The following GSTM4 variants were observed in gnomAD, a reference collection of about 807,000 sequenced individuals.
GSTM4 encodes the protein glutathione S-transferase mu 4.
Under a neutral mutation model 30.1 loss-of-function variants are expected in GSTM4, and 27 were observed. The observed-to-expected ratio is 0.90, with a 90% CI of 0.66 to 1.24. The LOEUF is 1.24. Among genes scored for constraint, GSTM4 ranks in the 50% most tolerant of loss-of-function variants. GSTM4 has a pLI of 0.00. For synonymous variants in GSTM4, 94 were observed against 96.2 expected (o/e 0.98, Z 0.13); for missense variants, 238 against 272.1 (o/e 0.87, Z 0.88).
chr1:109,662,614 G>A (rs545700838), downstream of GSTM4, among the ~76,000 whole-genome samples: 3 of 152,276 alleles, frequency 2.0e-5, no homozygotes, highest in East Asian at 3.9e-4. Context: ...AGGCATTTCC[G>A]AAAAATGAAT....
intron 7 of GSTM4, chr1:109,659,501 AC>A (rs1652203159): frequency 8.9e-6 from 7 of 782,912 alleles, no homozygotes; most frequent in African/African-American, 1.8e-5. Context: ...AGCCCAGGGC[AC>A]TTTGGAAGAG....
intron 1 of GSTM4, 127 bp downstream of exon 1, chr1:109,656,552 G>C (rs1196948165): frequency 6.9e-5 from 12 of 172,784 alleles, no homozygotes; most frequent in African/African-American, 4.5e-4. Context: ...GTGCATGCCT[G>C]TGTGTGTGTG....
chr1:109,662,866 C>G (rs141152242), downstream of GSTM4, among the ~76,000 whole-genome samples: 765 of 152,232 alleles, frequency 5.0e-3, 2 homozygotes, highest in Non-Finnish European at 8.2e-3. Flanking sequence ...GAAATCCCAC[C>G]CTATAGGAAT....
intron 3 of GSTM4, 60 bp downstream of exon 3, chr1:109,657,339 C>G: frequency 6.3e-7 from 1 of 1,593,608 alleles, no homozygotes; most frequent in South Asian, 1.1e-5. Flanking sequence ...GACTGCATCT[C>G]CTCTCCCCAG....
At chr1:109,664,341 C>CTTTTT (rs77855995), downstream of GSTM4, among the ~76,000 whole-genome samples, 198 of 35,754 alleles carry the variant, frequency 5.5e-3, 52 homozygotes, top group African/African-American at 9.2e-3. Flanking sequence ...GAGAGAATAG[C>CTTTTT]TTTTTTTTTT....
downstream of GSTM4, chr1:109,661,748 T>G: frequency 2.9e-6 from 3 of 1,019,760 alleles, no homozygotes; most frequent in Non-Finnish European, 3.6e-6. Flanking sequence ...AGACTGTGTC[T>G]GTCACTGCCT....
chr1:109,656,324 A>T lies in GSTM4; in HGVS notation c.-66A>T, dbSNP rs562841058. On this transcript the variant is annotated 5_prime_UTR_variant, in exon 1 of 8. Transcript: ENST00000369836. ...TAGGTCCAGCCCCTGCGTGCCGGGA[A>T]CCCCAGAGGAGGTCGCAGTTCAGCC... 2.0e-6 allele frequency: 3 copies of T among 1,498,284 alleles called. No individual in the cohort carries two copies. Among genetic ancestry groups the T allele is most frequent in the East Asian group, 4.6e-5 (2 of 43,832 alleles). 92.8% of individuals were successfully genotyped at this position (1,498,284 alleles called of 1,614,324 possible).
chr1:109,657,540 T>G, intron 3 of GSTM4, 50 bp from the exon 4 acceptor site: 1 of 1,613,528 alleles, frequency 6.2e-7, no homozygotes, highest in Non-Finnish European at 8.5e-7. Context: ...AAGGGGATGC[T>G]GGGGAGCCTG....
intron 2 of GSTM4, 194 bp downstream of exon 2, chr1:109,656,981 T>G (rs1462222108): frequency 1.3e-6 from 1 of 786,252 alleles, no homozygotes; most frequent in Admixed American, 2.0e-5. Context: ...GGCCCCCTGT[T>G]TAATTGGGTT....
intron 5 of GSTM4, chr1:109,658,121 A>G: frequency 1.9e-6 from 1 of 532,350 alleles, no homozygotes; most frequent in Non-Finnish European, 3.4e-6. Context: ...AATTCCCTTC[A>G]CCTCTGACCC....
In GSTM4 at chr1:109,657,810, T is replaced by C; in HGVS notation, c.298T>C (p.Leu100=). The C allele has an allele frequency of 6.2e-7, 1 of 1,614,124 alleles. No individual in the cohort carries two copies. The highest frequency in any genetic ancestry group is 1.3e-5 in the African/African-American group (1 of 75,024). Residue 100 remains leucine, a synonymous_variant, in exon 5 of 8, where the codon TTG becomes CTG. Transcript: ENST00000369836. ...AGAGGAGAAGATTCGTGTGGACATT[T>C]TGGAGAACCAGGCTATGGACGTCTC... ...TEEEKIRVDI[L]ENQAMDVSNQ...
downstream of GSTM4, among the ~76,000 whole-genome samples, chr1:109,666,239 GGGCCACCAT>G (rs1234920759): frequency 6.6e-6 from 1 of 152,104 alleles, no homozygotes; most frequent in Non-Finnish European, 1.5e-5. Flanking sequence ...CACAGGTAAA[GGGCCACCAT>G]GGCCAGCTAA....
At chr1:109,661,068 G>A (rs1652288979) in intron 7 of GSTM4, 97 bp from the exon 8 acceptor site, 1 of 1,533,772 alleles carries the variant, frequency 6.5e-7, no homozygotes, top group Non-Finnish European at 8.9e-7. Context: ...TGGAAAGGCT[G>A]TGGCCAGGGC....
In GSTM4 at chr1:109,657,248, A is replaced by G; in HGVS notation, c.146A>G (p.Glu49Gly). 6.2e-7 allele frequency: 1 copy of G among 1,612,506 alleles called. No homozygotes were observed. Among genetic ancestry groups the G allele is most frequent in the African/African-American group, 1.3e-5 (1 of 74,978 alleles). Reference protein sequence around the residue: ...PDYDRSQWLNEKFKLGLDFPN... With the variant: ...PDYDRSQWLNGKFKLGLDFPN... ...TATGACAGAAGCCAGTGGCTGAATG[A>G]AAAATTCAAGCTGGGCCTGGACTTT... Residue 49 changes from glutamate (E) to glycine (G), a missense_variant, in exon 3 of 8, where the codon GAA becomes GGA. By Grantham distance (98) the Glu-to-Gly change is moderately conservative. Coordinates refer to ENST00000369836, the MANE Select transcript of GSTM4 (RefSeq NM_000850.5).
chr1:109,662,620 T>C (rs1040789953), downstream of GSTM4, among the ~76,000 whole-genome samples: 9 of 152,074 alleles, frequency 5.9e-5, no homozygotes, highest in Admixed American at 5.9e-4. Flanking sequence ...TTCCGAAAAA[T>C]GAATATCCAA....
Position 109,661,416 on chromosome 1 carries a change from C to T in GSTM4, c.*162C>T. The T allele has an allele frequency of 1.3e-6, 2 of 1,490,998 alleles. No individual in the cohort carries two copies. Among genetic ancestry groups the T allele is most frequent in the Non-Finnish European group, 1.8e-6 (2 of 1,118,280 alleles). 92.4% of individuals were successfully genotyped at this position (1,490,998 alleles called of 1,614,324 possible). ...AGACTTTATTGGGCCTCTTCACTTC[C>T]CCTAAACCCCTGTCCCATGCAGGCC... On this transcript the variant is annotated 3_prime_UTR_variant, in exon 8 of 8. Coordinates refer to ENST00000369836, the MANE Select transcript of GSTM4 (RefSeq NM_000850.5).
Position 109,660,660 on chromosome 1 carries a change from G to A in GSTM4, c.568-505G>A, listed in dbSNP as rs539252499. 16 of 166,334 alleles carry A rather than the reference G, an allele frequency of 9.6e-5. No individual in the cohort carries two copies. The East Asian group carries it at 1.2e-3, about 13-fold the overall frequency. 10.3% of individuals were successfully genotyped at this position (166,334 alleles called of 1,614,324 possible). On this transcript the variant is annotated intron_variant, in intron 7 of 7. Transcript: ENST00000369836. Reference sequence around the variant, plus strand: ...AGCCAGGTGCCTCCCTGTGAAACAGGAGAATGTTGTGTAGTCAGAGAGTGA... The same window carrying A: ...AGCCAGGTGCCTCCCTGTGAAACAGAAGAATGTTGTGTAGTCAGAGAGTGA...
chr1:109,658,259 T>G, intron 5 of GSTM4: 1 of 243,646 alleles, frequency 4.1e-6, no homozygotes, highest in East Asian at 9.7e-5. Flanking sequence ...CTCTGTGGAA[T>G]TCCGTGCTAT....
chr1:109,664,946 A>T, downstream of GSTM4: 1 of 1,591,856 alleles, frequency 6.3e-7, no homozygotes, highest in South Asian at 1.1e-5. Context: ...TTAAAGAATG[A>T]TCTTGTGGCA....
Sources: gnomAD v4.1 joint callset for allele counts (sites outside exome capture counted in the v4.1 genomes callset) on GRCh38, gnomAD v4.1.1 for gene constraint, MANE v1.5 for transcripts, NCBI Gene and HGNC (gene_info 2026-07-23, HGNC 2026-07-21) for gene names.